RABL2B: variants seen among roughly 807,000 people sequenced by gnomAD.
RABL2B encodes the protein RAB, member of RAS oncogene family like 2B, also known as rab-like protein 2B.
In RABL2B, 17 loss-of-function variants were observed where a neutral mutation model predicts 26.7. The observed-to-expected ratio is 0.64, with a 90% CI of 0.44 to 0.95. RABL2B has a LOEUF of 0.95. Ranked by LOEUF, RABL2B falls within the 40% of genes least tolerant of loss-of-function variation. The probability of loss-of-function intolerance (pLI) is 0.00; values close to 1 mark genes in which losing one functional copy is unlikely to be tolerated. For missense variants in RABL2B, 170 were observed against 277.2 expected, an observed-to-expected ratio of 0.61 and a Z score of 2.75; for synonymous variants, 70 against 103.9, an observed-to-expected ratio of 0.67 and a Z score of 1.99.
chr22:50,769,116 A>G lies in RABL2B; in HGVS notation c.516T>C (p.Asn172=). ...ADGTNVVKLF[N]DAIRLAVSYK... is the part of the protein sequence containing the mutation. ...AAGACACAGCTAATCGAATTGCATC[A>G]TTGAAGAGCTGGGGGTGAGGTAGAG... Residue 172 remains asparagine, a synonymous_variant, in exon 8 of 9, where the codon AAT becomes AAC. Coordinates refer to ENST00000691320, the MANE Select transcript of RABL2B (RefSeq NM_001130919.3). 1 of 782,472 alleles carries G rather than the reference A, an allele frequency of 1.3e-6. No individual in the cohort carries two copies. Among genetic ancestry groups the G allele is most frequent in the Non-Finnish European group, 2.1e-6 (1 of 481,972 alleles). 48.5% of individuals were successfully genotyped at this position (782,472 alleles called of 1,614,324 possible). A position where few individuals can be genotyped will look rare whatever the true frequency, so the allele number is the denominator to read the frequency against.
At chr22:50,780,341 A>G (rs1339041847) in intron 2 of RABL2B, among the ~76,000 whole-genome samples, 1 of 151,866 alleles carries the variant, frequency 6.6e-6, no homozygotes, top group African/African-American at 2.4e-5. Flanking sequence ...ATTGCTCTCT[A>G]GAAATGAGGC....
In RABL2B at chr22:50,782,125, G is replaced by T. The variant is rs569057865; in HGVS notation, c.107+63C>A. On this transcript the variant is annotated intron_variant, in intron 2 of 8. Coordinates refer to ENST00000691320, the MANE Select transcript of RABL2B (RefSeq NM_001130919.3). ...AAGCCATGCTCCTCTGCCTCTGGAG[G>T]ACTTTTTAAATGACCTGGACCCTCT... The T allele has an allele frequency of 1.1e-4, 102 of 910,040 alleles. 1 individual carries two copies. The highest frequency in any genetic ancestry group is 1.6e-4 in the Non-Finnish European group (96 of 603,278). The allele number at this position is 910,040 out of a possible 1,614,324, so 56.4% of individuals were successfully genotyped here. A position where few individuals can be genotyped will look rare whatever the true frequency, so the allele number is the denominator to read the frequency against.
At chr22:50,772,749 G>T in intron 5 of RABL2B, 1 of 1,083,602 alleles carries the variant, frequency 9.2e-7, no homozygotes. Context: ...CCTTATAAAG[G>T]ATGTCTGTAA....
rs148370884 is a variant in RABL2B, at chr22:50,768,794, C to T, written c.672G>A (p.Ala224=). The T allele has an allele frequency of 1.7e-5, 27 of 1,613,748 alleles. No homozygotes were observed. The highest frequency in any genetic ancestry group is 1.6e-4 in the Middle Eastern group (1 of 6,078). Residue 224 remains alanine (A), a synonymous_variant, in exon 9 of 9, where the codon GCG becomes GCA. Transcript: ENST00000691320. ...SSSIETPSEE[A]ASPHS is the part of the protein sequence containing the mutation. ...CAGCCCCTCAGCTGTGGGGAGAGGC[C>T]GCCTCCTCTGATGGGGTCTCGATGC...
At chr22:50,780,379 G>A (rs2085626588) in intron 2 of RABL2B, among the ~76,000 whole-genome samples, 1 of 150,148 alleles carries the variant, frequency 6.7e-6, no homozygotes, top group Non-Finnish European at 1.5e-5. Context: ...CTTCAGATAT[G>A]ATGAACACAA....
At chr22:50,774,204 C>T (rs2084632987) in intron 5 of RABL2B, among the ~76,000 whole-genome samples, 1 of 152,090 alleles carries the variant, frequency 6.6e-6, no homozygotes, top group African/African-American at 2.4e-5. Flanking sequence ...CCGTGGCAGA[C>T]TTTATTAATG....
At chr22:50,770,494 G>T (rs2083979102) in intron 5 of RABL2B, 1 of 167,374 alleles carries the variant, frequency 6.0e-6, no homozygotes, top group African/African-American at 2.4e-5. Context: ...TCCAGCCTGG[G>T]CAACAAGAGC....
intron 3 of RABL2B, among the ~76,000 whole-genome samples, chr22:50,777,443 A>T (rs2085165093): frequency 7.0e-6 from 1 of 143,426 alleles, no homozygotes; most frequent in Non-Finnish European, 1.5e-5. Context: ...TTCTCAGTGG[A>T]TCCACTTGGG....
chr22:50,778,018 T>G (rs782099255), intron 2 of RABL2B, 37 bp from the exon 3 acceptor site: 1 of 1,613,984 alleles, frequency 6.2e-7, no homozygotes, highest in Admixed American at 1.7e-5. Context: ...AGATGGCGTC[T>G]CCATCTCTCC....
At chr22:50,778,118 C>T (rs1188264941) in intron 2 of RABL2B, 137 bp from the exon 3 acceptor site, 2 of 1,234,736 alleles carry the variant, frequency 1.6e-6, no homozygotes, top group African/African-American at 1.5e-5. Flanking sequence ...CACACAGCTT[C>T]CGGGTCAAGT....
intron 3 of RABL2B, among the ~76,000 whole-genome samples, chr22:50,777,093 C>T (rs1348844823): frequency 1.3e-5 from 2 of 152,156 alleles, no homozygotes; most frequent in African/African-American, 4.8e-5. Context: ...GGAGCTTTCG[C>T]AGGCTAGAAA....
chr22:50,770,537 G>T (rs1398078799), intron 5 of RABL2B: 1 of 156,992 alleles, frequency 6.4e-6, no homozygotes, highest in Non-Finnish European at 1.4e-5. Context: ...AATAAATAAC[G>T]TATTCCTTTT....
intron 3 of RABL2B, among the ~76,000 whole-genome samples, chr22:50,777,225 G>C (rs1555925080): frequency 6.6e-6 from 1 of 152,182 alleles, no homozygotes. Context: ...TGAGAAAAAG[G>C]GTTAAACTCT....
chr22:50,774,170 C>T (rs1354732867), intron 5 of RABL2B, among the ~76,000 whole-genome samples: 1 of 152,236 alleles, frequency 6.6e-6, no homozygotes, highest in African/African-American at 2.4e-5. Context: ...GCTGGGATTA[C>T]AGGCGTGAGC....
chr22:50,781,468 C>T (rs373268056), intron 2 of RABL2B, among the ~76,000 whole-genome samples: 133 of 150,880 alleles, frequency 8.8e-4, no homozygotes, highest in Middle Eastern at 6.9e-3. Context: ...CCAGCAAAGC[C>T]CCCAGAGAAT....
chr22:50,782,200 ACTGCGCT>A lies in RABL2B; in HGVS notation c.88_94del (p.Ser30TrpfsTer25). The A allele has an allele frequency of 6.5e-7, 1 of 1,546,434 alleles. No homozygotes were observed. Among genetic ancestry groups the A allele is most frequent in the Non-Finnish European group, 8.8e-7 (1 of 1,131,492 alleles). On this transcript the variant is annotated frameshift_variant, in exon 2 of 9. Coordinates refer to ENST00000691320, the MANE Select transcript of RABL2B (RefSeq NM_001130919.3). LOFTEE classifies it high-confidence loss of function. ...TCTCCCAACATACTTGGATTTGCCC[ACTGCGCT>A]GTCTCCCAGGCAGATGATCTTCACG...
At position 50,772,552 on chromosome 22, in the gene RABL2B, T is replaced by G. The variant is rs144542103; in HGVS notation, c.298-2536A>C. On this transcript the variant is annotated intron_variant, in intron 5 of 8. Coordinates refer to ENST00000691320, the MANE Select transcript of RABL2B (RefSeq NM_001130919.3). ...TAACCGCTGGCACAGCTGACCTCAC[T>G]TCTAAATCACCCAGCTATTTGTGCA... The G allele has an allele frequency of 4.5e-4, 452 of 994,328 alleles. 2 individuals are homozygous for G. In the African/African-American group the frequency reaches 7.1e-3, roughly 16 times the overall value. The allele number at this position is 994,328 out of a possible 1,614,324, so 61.6% of individuals were successfully genotyped here.
At chr22:50,770,407 C>T in intron 5 of RABL2B, 1 of 271,540 alleles carries the variant, frequency 3.7e-6, no homozygotes, top group African/African-American at 2.2e-5. Context: ...ATCTCAGCTA[C>T]TTGGGAGGCT....
intron 2 of RABL2B, among the ~76,000 whole-genome samples, chr22:50,779,830 A>C (rs1442639625): frequency 1.3e-5 from 2 of 152,022 alleles, no homozygotes; most frequent in Non-Finnish European, 2.9e-5. Context: ...AATACAAAAA[A>C]ATTAGCTAGG....
Sources: allele counts gnomAD v4.1 joint callset (sites outside exome capture counted in the v4.1 genomes callset), GRCh38; gene constraint gnomAD v4.1.1; transcripts MANE v1.5; gene names NCBI Gene and HGNC (gene_info 2026-07-23, HGNC 2026-07-21).